Variants in ZNF519 observed in about 807,000 individuals in gnomAD.
ZNF519 encodes the protein similar to Zinc finger protein 85 (Zinc finger protein HPF4) (HTF1).
A neutral mutation model predicts 7.4 loss-of-function variants in ZNF519; 7 were observed. The observed-to-expected ratio is 0.94, with a 90% CI of 0.54 to 1.77. The LOEUF (loss-of-function observed/expected upper bound fraction) is 1.77. Among genes scored for constraint, ZNF519 ranks in the 40% most tolerant of loss-of-function variants. The pLI, the probability that ZNF519 is intolerant of heterozygous loss-of-function variation, is 0.00. For synonymous variants in ZNF519, 179 were observed against 203.3 expected (o/e 0.88, Z 1.02); for missense variants, 586 against 623.1 (o/e 0.94, Z 0.63).
intron 2 of ZNF519, among the ~76,000 whole-genome samples, chr18:14,107,788 G>T (rs140577543): frequency 6.6e-6 from 1 of 152,160 alleles, no homozygotes; most frequent in Non-Finnish European, 1.5e-5. Flanking sequence ...TGGTAGCCTG[G>T]CGGTATTCCC....
At chr18:14,115,478 C>A (rs1004300257) in intron 2 of ZNF519, among the ~76,000 whole-genome samples, 7 of 152,126 alleles carry the variant, frequency 4.6e-5, no homozygotes, top group Admixed American at 2.6e-4. Flanking sequence ...GAGGCATACA[C>A]CCTGATTTTA....
downstream of ZNF519, among the ~76,000 whole-genome samples, chr18:14,097,563 C>T (rs971825312): frequency 1.3e-5 from 2 of 152,166 alleles, no homozygotes; most frequent in African/African-American, 4.8e-5. Context: ...GAGATATCCT[C>T]TATAAATCAC....
chr18:14,080,383 G>A (rs4797863), intron 3 of ZNF519: 31,667 of 146,978 alleles, frequency 0.22, 3,725 homozygotes, highest in Admixed American at 0.29. Flanking sequence ...GTGCAGTGGC[G>A]CGATCCCAGC....
At chr18:14,117,472 T>C (rs2046251393) in intron 2 of ZNF519, among the ~76,000 whole-genome samples, 1 of 152,154 alleles carries the variant, frequency 6.6e-6, no homozygotes. Flanking sequence ...GCACTGCTGG[T>C]AGGGAAAAAG....
At chr18:14,081,630 T>C (rs2046070922) in intron 3 of ZNF519, among the ~76,000 whole-genome samples, 5 of 152,182 alleles carry the variant, frequency 3.3e-5, no homozygotes, top group Admixed American at 3.3e-4. Context: ...CTTTACAGCC[T>C]TCCCCAGCTT....
intron 2 of ZNF519, among the ~76,000 whole-genome samples, chr18:14,110,495 AAAT>A (rs1343251351): frequency 2.0e-5 from 3 of 152,020 alleles, no homozygotes; most frequent in African/African-American, 4.8e-5. Context: ...TAAATTAGCC[AAAT>A]AATAATAATT....
chr18:14,077,559 G>C (rs2046052468), intron 4 of ZNF519: 1 of 152,204 alleles, frequency 6.6e-6, no homozygotes, highest in South Asian at 2.1e-4. Flanking sequence ...CACTTGGGGA[G>C]CTGAAGATAG....
At chr18:14,109,899 T>A (rs1004090090) in intron 2 of ZNF519, among the ~76,000 whole-genome samples, 1 of 151,666 alleles carries the variant, frequency 6.6e-6, no homozygotes, top group Non-Finnish European at 1.5e-5. Context: ...ACAAAATAAA[T>A]AAAAAATCTG....
intron 2 of ZNF519, among the ~76,000 whole-genome samples, chr18:14,116,451 G>C (rs535784217): frequency 6.6e-6 from 1 of 152,088 alleles, no homozygotes; most frequent in Non-Finnish European, 1.5e-5. Flanking sequence ...AAAACAGTGC[G>C]GTACTTGCAG....
intron 4 of ZNF519, chr18:14,077,629 G>A (rs960925073): frequency 7.9e-5 from 12 of 152,166 alleles, no homozygotes; most frequent in African/African-American, 2.7e-4. Context: ...TCTAGTGAGT[G>A]CCTCCAGAGA....
rs942234407 is a variant in ZNF519, at chr18:14,128,100, G to A, written c.4-3624C>T. 1.9e-3 allele frequency among the ~76,000 whole-genome samples: 289 copies of A among 151,666 alleles called. 3 individuals carry two copies. Among genetic ancestry groups the A allele is most frequent in the African/African-American group, 6.6e-3 (271 of 41,302 alleles). ...GTCAGGAGATCGAGACCATCCTGGC[G>A]AACACGGTGAAACCCCGTCTCTACT... On this transcript the variant is annotated intron_variant, in intron 1 of 2. Transcript: ENST00000590202.
rs1488505810 is a variant in ZNF519 at position 14,102,535 on chromosome 18, A to C, written c.*2382T>G. On this transcript the variant is annotated 3_prime_UTR_variant, in exon 3 of 3. Coordinates refer to ENST00000590202, the MANE Select transcript of ZNF519 (RefSeq NM_145287.4). ...ACCCTTACTGAATGCAGAAAAAGCAAACATATAAATTTCAACATTTACAAG... is the reference window on the plus strand; with the variant it reads ...ACCCTTACTGAATGCAGAAAAAGCACACATATAAATTTCAACATTTACAAG... 1 of 152,224 alleles carries C rather than the reference A, an allele frequency of 6.6e-6. No homozygotes were observed. Among genetic ancestry groups the C allele is most frequent in the South Asian group, 2.1e-4 (1 of 4,834 alleles). The allele number at this position is 152,224 out of a possible 1,614,324, so 9.4% of individuals were successfully genotyped here. A position where few individuals can be genotyped will look rare whatever the true frequency, so the allele number is the denominator to read the frequency against.
chr18:14,102,539 T>C lies in ZNF519; in HGVS notation c.*2378A>G, dbSNP rs1443137964. ...TTACTGAATGCAGAAAAAGCAAACA[T>C]ATAAATTTCAACATTTACAAGTCAC... is the stretch of plus-strand genomic sequence containing the variant. On this transcript the variant is annotated 3_prime_UTR_variant, in exon 3 of 3. Coordinates refer to ENST00000590202, the MANE Select transcript of ZNF519 (RefSeq NM_145287.4). 3 of 152,178 alleles carry C rather than the reference T, an allele frequency of 2.0e-5. No homozygotes were observed. Among genetic ancestry groups the C allele is most frequent in the Non-Finnish European group, 2.9e-5 (2 of 68,038 alleles). The allele number at this position is 152,178 out of a possible 1,614,324, so 9.4% of individuals were successfully genotyped here.
chr18:14,122,604 C>T (rs546109773), intron 2 of ZNF519: 2 of 149,596 alleles, frequency 1.3e-5, no homozygotes, highest in Non-Finnish European at 3.0e-5. Flanking sequence ...AGGGAGATCA[C>T]TAAAGAAAAA....
chr18:14,076,071 A>G (rs1047206327), exon 5 of ZNF519: 4 of 152,138 alleles, frequency 2.6e-5, no homozygotes, highest in African/African-American at 9.7e-5. Context: ...AATAACAGCT[A>G]AATAACATCT....
chr18:14,090,634 C>A (rs1478094954), intron 2 of ZNF519: 1 of 152,538 alleles, frequency 6.6e-6, no homozygotes, highest in East Asian at 1.9e-4. Context: ...CAGGTGCATT[C>A]ACTCACTTCG....
chr18:14,117,167 CAGA>C (rs932574088), intron 2 of ZNF519, among the ~76,000 whole-genome samples: 67 of 151,514 alleles, frequency 4.4e-4, no homozygotes, highest in Admixed American at 1.1e-3. Context: ...GTGAAGTAAG[CAGA>C]AGAAGAAAAA....
chr18:14,122,838 G>C (rs1055747818), intron 2 of ZNF519, among the ~76,000 whole-genome samples: 2 of 151,122 alleles, frequency 1.3e-5, no homozygotes. Context: ...ATGCAGGTTT[G>C]TTACATACGT....
At position 14,101,805 on chromosome 18, in the gene ZNF519, C is replaced by T. The variant is rs960348254; in HGVS notation, c.*3112G>A. On this transcript the variant is annotated 3_prime_UTR_variant, in exon 3 of 3. Transcript: ENST00000590202. ...AGACAAACCAGCAGTTAATCTTGCA[C>T]GCAACAGAGCCCTGCTTGGCTGACC... 24 of 398,398 alleles carry T rather than the reference C, an allele frequency of 6.0e-5. No individual in the cohort carries two copies. The highest frequency in any genetic ancestry group is 8.8e-5 in the Admixed American group (2 of 22,704). 24.7% of individuals were successfully genotyped at this position (398,398 alleles called of 1,614,324 possible).
Sources: allele counts gnomAD v4.1 joint callset (sites outside exome capture counted in the v4.1 genomes callset), GRCh38; gene constraint gnomAD v4.1.1; transcripts MANE v1.5; gene names NCBI Gene and HGNC (gene_info 2026-07-23, HGNC 2026-07-21).